Variants in PSMD1 observed in about 807,000 individuals in gnomAD.
The protein encoded by PSMD1 is 26S proteasome non-ATPase regulatory subunit 1.
In PSMD1, 18 loss-of-function variants were observed where a neutral mutation model predicts 119.0. That is an observed-to-expected ratio of 0.15 (90% CI 0.10 to 0.22). The LOEUF (loss-of-function observed/expected upper bound fraction) is 0.22. Ranked by LOEUF, PSMD1 falls within the 10% of genes least tolerant of loss-of-function variation. PSMD1 has a pLI of 1.00. For missense variants in PSMD1, 702 were observed against 1,158.5 expected (o/e 0.61, Z 5.72); for synonymous variants, 374 against 396.6 (o/e 0.94, Z 0.68).
intron 16 of PSMD1, among the ~76,000 whole-genome samples, chr2:231,129,721 A>G (rs780288848): frequency 6.6e-6 from 1 of 152,252 alleles, no homozygotes; most frequent in Non-Finnish European, 1.5e-5. Context: ...ATATGGAGGT[A>G]CGAAGAACAA....
chr2:231,157,728 G>A lies in PSMD1; in HGVS notation c.2219-3612G>A, dbSNP rs542051555. 1.1e-4 allele frequency among the ~76,000 whole-genome samples: 17 copies of A among 151,594 alleles called. No homozygotes were observed. In the South Asian group the frequency reaches 2.3e-3, roughly 20 times the overall value. ...ACTACAGGTGCACACCGCCATGCCC[G>A]GCAAATTTTTTGTATTTTAGTGGAG... On this transcript the variant is annotated intron_variant, in intron 19 of 24. Coordinates refer to ENST00000308696, the MANE Select transcript of PSMD1 (RefSeq NM_002807.4).
intron 6 of PSMD1, among the ~76,000 whole-genome samples, chr2:231,071,385 C>T (rs1205244965): frequency 1.3e-5 from 2 of 151,882 alleles, no homozygotes; most frequent in Non-Finnish European, 2.9e-5. Flanking sequence ...ACAATGAAGT[C>T]TTCCTATTAC....
Position 231,085,217 on chromosome 2 carries a change from C to T in PSMD1, c.1818+103C>T, listed in dbSNP as rs957631666. The T allele has an allele frequency of 5.0e-5, 46 of 917,912 alleles. 1 individual carries two copies. The highest frequency in any genetic ancestry group is 3.6e-4 in the South Asian group (27 of 74,122). 56.9% of individuals were successfully genotyped at this position (917,912 alleles called of 1,614,324 possible). A position where few individuals can be genotyped will look rare whatever the true frequency, so the allele number is the denominator to read the frequency against. ...AGCATCCACAGCGCATGACCACCAC[C>T]AGTGGTCTTAGGTTGTGATTCTCAT... On this transcript the variant is annotated intron_variant, in intron 15 of 24. Transcript: ENST00000308696.
chr2:231,143,360 G>C (rs1696175086), intron 17 of PSMD1, among the ~76,000 whole-genome samples: 1 of 152,132 alleles, frequency 6.6e-6, no homozygotes, highest in South Asian at 2.1e-4. Flanking sequence ...CTCCCCAGTA[G>C]CTGGGATTAC....
rs182171208 is a variant in PSMD1, at chr2:231,076,959, T to C, written c.943-75T>C. 2.2e-3 allele frequency: 2,922 copies of C among 1,356,370 alleles called. 6 individuals are homozygous for C. Among genetic ancestry groups the C allele is most frequent in the Non-Finnish European group, 2.7e-3 (2,697 of 997,850 alleles). 84.0% of individuals were successfully genotyped at this position (1,356,370 alleles called of 1,614,324 possible). On this transcript the variant is annotated intron_variant, in intron 8 of 24. Transcript: ENST00000308696. ...CTGAATTTCACTGGTTTAGGACTGA[T>C]GAAATAAAATTGGGTTACTGGATTA... is the stretch of plus-strand genomic sequence containing the variant.
intron 12 of PSMD1, among the ~76,000 whole-genome samples, 161 bp downstream of exon 12, chr2:231,080,475 G>C (rs1694283610): frequency 2.0e-5 from 3 of 151,272 alleles, no homozygotes; most frequent in Admixed American, 2.0e-4. Flanking sequence ...TTTCCTTCTT[G>C]ATAAGCTAAA....
intron 15 of PSMD1, among the ~76,000 whole-genome samples, chr2:231,085,389 A>G (rs1393456511): frequency 6.6e-6 from 1 of 152,212 alleles, no homozygotes; most frequent in East Asian, 1.9e-4. Context: ...GAGCACCCTC[A>G]TTTGTAAGGG....
intron 7 of PSMD1, 73 bp from the exon 8 acceptor site, chr2:231,075,438 A>G: frequency 1.5e-6 from 2 of 1,304,672 alleles, no homozygotes; most frequent in Non-Finnish European, 2.2e-6. Flanking sequence ...TTCAATTTGG[A>G]CATGGTTCAG....
rs767286697 is a variant in PSMD1, at chr2:231,138,956, G to A, written c.1998+106G>A. 21 of 851,732 alleles carry A rather than the reference G, an allele frequency of 2.5e-5. 1 individual carries two copies. The Middle Eastern group carries it at 3.9e-3, about 158-fold the overall frequency. 52.8% of individuals were successfully genotyped at this position (851,732 alleles called of 1,614,324 possible). On this transcript the variant is annotated intron_variant, in intron 17 of 24. Coordinates refer to ENST00000308696, the MANE Select transcript of PSMD1 (RefSeq NM_002807.4). ...TAAAAATACAAGTGCAATGTGATCT[G>A]TAAGAGTAAACTTGCCATACAAAGC...
At chr2:231,155,882 A>G (rs1696473865) in intron 19 of PSMD1, among the ~76,000 whole-genome samples, 1 of 152,116 alleles carries the variant, frequency 6.6e-6, no homozygotes, top group South Asian at 2.1e-4. Flanking sequence ...TAGGTAAAGT[A>G]AACCGTTTCA....
chr2:231,060,298 G>A (rs1222827829), intron 1 of PSMD1: 1 of 152,072 alleles, frequency 6.6e-6, no homozygotes, highest in African/African-American at 2.4e-5. Flanking sequence ...ATCTTTTCCT[G>A]TGTGGCTTCC....
rs1485748170 is a variant in PSMD1 at position 231,075,469 on chromosome 2, G to A, written c.882-42G>A. ...TTCAGATCTGTGGTATAAACAAATT[G>A]TACTTCTCTTCAGAAAAAATTATTG... On this transcript the variant is annotated intron_variant, in intron 7 of 24. Coordinates refer to ENST00000308696, the MANE Select transcript of PSMD1 (RefSeq NM_002807.4). 3.8e-6 allele frequency: 6 copies of A among 1,573,260 alleles called. No individual in the cohort carries two copies. In the Admixed American group the frequency reaches 5.1e-5, roughly 13 times the overall value.
chr2:231,095,055 G>C (rs759653372), intron 16 of PSMD1, among the ~76,000 whole-genome samples: 2 of 152,158 alleles, frequency 1.3e-5, no homozygotes, highest in Admixed American at 6.6e-5. Flanking sequence ...AACCCTGTCG[G>C]GAGTGTTTAG....
intron 6 of PSMD1, among the ~76,000 whole-genome samples, chr2:231,071,071 A>G (rs1366875323): frequency 2.0e-5 from 3 of 152,052 alleles, no homozygotes; most frequent in African/African-American, 7.2e-5. Flanking sequence ...CATCACCCAA[A>G]GTCAATTTAG....
intron 9 of PSMD1, among the ~76,000 whole-genome samples, chr2:231,077,761 GCT>G (rs1197895258): frequency 2.6e-5 from 4 of 151,784 alleles, no homozygotes. Context: ...CTTCCTTCTC[GCT>G]CTCTTATTTA....
intron 20 of PSMD1, among the ~76,000 whole-genome samples, chr2:231,162,591 G>A (rs951537123): frequency 1.4e-4 from 22 of 152,098 alleles, no homozygotes; most frequent in Admixed American, 1.4e-3. Flanking sequence ...TGATGAAAAT[G>A]GGATGGAGAA....
At chr2:231,159,127 A>G (rs1345586815) in intron 19 of PSMD1, among the ~76,000 whole-genome samples, 1 of 152,216 alleles carries the variant, frequency 6.6e-6, no homozygotes, top group Non-Finnish European at 1.5e-5. Flanking sequence ...GATCAAGAGA[A>G]GAGAAATGTA....
chr2:231,157,601 C>A (rs989198596), intron 19 of PSMD1, among the ~76,000 whole-genome samples: 2 of 151,440 alleles, frequency 1.3e-5, no homozygotes, highest in Non-Finnish European at 2.9e-5. Context: ...GGGGCCAATT[C>A]TGTCACCCAG....
At chr2:231,070,623 TA>T (rs906082076) in intron 6 of PSMD1, among the ~76,000 whole-genome samples, 66 of 151,538 alleles carry the variant, frequency 4.4e-4, no homozygotes, top group African/African-American at 1.4e-3. Flanking sequence ...TGCTTGCACA[TA>T]AAAAAAAATT....
Sources: allele counts gnomAD v4.1 joint callset (sites outside exome capture counted in the v4.1 genomes callset), GRCh38; gene constraint gnomAD v4.1.1; transcripts MANE v1.5; gene names NCBI Gene and HGNC (gene_info 2026-07-23, HGNC 2026-07-21).